Variants in WDPCP observed in about 807,000 individuals in gnomAD.
WDPCP encodes WD repeat-containing and planar cell polarity effector protein fritz homolog.
In WDPCP, 71 loss-of-function variants were observed where a neutral mutation model predicts 93.1. The observed-to-expected ratio is 0.76, with a 90% CI of 0.63 to 0.93. The LOEUF (loss-of-function observed/expected upper bound fraction) is 0.93, where lower values mean the gene tolerates loss of function less well. Among genes scored for constraint, WDPCP ranks in the 40% least tolerant of loss-of-function variants. The probability of loss-of-function intolerance (pLI) is 0.00; values close to 1 mark genes in which losing one functional copy is unlikely to be tolerated. For synonymous variants in WDPCP, 315 were observed against 315.0 expected (o/e 1.00, Z 0.00); for missense variants, 844 against 887.4 (o/e 0.95, Z 0.62).
intron 3 of WDPCP, among the ~76,000 whole-genome samples, chr2:63,650,170 A>G (rs1424266729): frequency 6.6e-6 from 1 of 152,198 alleles, no homozygotes; most frequent in Non-Finnish European, 1.5e-5. Context: ...GTTTCCCAAG[A>G]TTTGTTCAGT....
chr2:63,546,928 C>T (rs1179533124), intron 1 of WDPCP, among the ~76,000 whole-genome samples: 4 of 150,814 alleles, frequency 2.7e-5, no homozygotes, highest in African/African-American at 9.8e-5. Context: ...AAAAAAAAGA[C>T]AAAAGATTTC....
chr2:63,571,692 G>A (rs1707517537), intron 1 of WDPCP: 4 of 459,070 alleles, frequency 8.7e-6, no homozygotes. Flanking sequence ...ATTTTAAGAT[G>A]CCAGAAAAGT....
intron 17 of WDPCP, among the ~76,000 whole-genome samples, chr2:63,127,411 C>T (rs1182283189): frequency 6.6e-6 from 1 of 151,822 alleles, no homozygotes; most frequent in Non-Finnish European, 1.5e-5. Context: ...GCGTGAGCCA[C>T]CGCACCCGGC....
At chr2:63,225,713 A>ATTATG (rs1678237416) in intron 14 of WDPCP, among the ~76,000 whole-genome samples, 1 of 151,864 alleles carries the variant, frequency 6.6e-6, no homozygotes, top group Admixed American at 6.6e-5. Context: ...TAGTAATAAA[A>ATTATG]TTATGTTTTC....
intron 3 of WDPCP, among the ~76,000 whole-genome samples, chr2:63,612,209 G>T (rs1320755004): frequency 2.0e-5 from 3 of 152,080 alleles, no homozygotes; most frequent in Non-Finnish European, 4.4e-5. Context: ...ACTCTTTTTA[G>T]GTGTCCTTAA....
chr2:63,667,950 C>T (rs1710302593), intron 2 of WDPCP, among the ~76,000 whole-genome samples: 1 of 152,204 alleles, frequency 6.6e-6, no homozygotes, highest in South Asian at 2.1e-4. Flanking sequence ...CCACTTTTCT[C>T]TATCTGATTA....
intron 2 of WDPCP, among the ~76,000 whole-genome samples, chr2:63,802,281 TAAAAAAAAAAAAAAAAA>T (rs58717654): frequency 4.2e-3 from 227 of 54,394 alleles, no homozygotes; most frequent in East Asian, 0.03. Flanking sequence ...CCCTCTCTCT[TAAAAAAAAAAAAAAAAA>T]AAAAAAAAAA....
At chr2:63,352,381 A>T (rs548014678) in intron 12 of WDPCP, among the ~76,000 whole-genome samples, 1 of 152,350 alleles carries the variant, frequency 6.6e-6, no homozygotes, top group East Asian at 1.9e-4. Flanking sequence ...AAAAGGCAAG[A>T]ATGATATAAT....
At chr2:63,835,389 CAAAAA>C in the WDPCP span, among the ~76,000 whole-genome samples, 4 of 42,352 alleles carry the variant, frequency 9.4e-5, no homozygotes, top group African/African-American at 1.8e-4. Flanking sequence ...GACTCCATCT[CAAAAA>C]AAAAAAAAAA....
chr2:63,496,999 C>A (rs1701260953), intron 1 of WDPCP, among the ~76,000 whole-genome samples: 1 of 149,786 alleles, frequency 6.7e-6, no homozygotes, highest in Non-Finnish European at 1.5e-5. Flanking sequence ...GTAATCCCAG[C>A]TACTTGGGAA....
chr2:63,328,197 C>T (rs993876399), intron 12 of WDPCP, among the ~76,000 whole-genome samples: 3 of 33,176 alleles, frequency 9.0e-5, no homozygotes, highest in South Asian at 1.1e-3. Flanking sequence ...TCCGTCAAAA[C>T]GGACCCGTCA....
chr2:63,805,855 C>T (rs1427564192), intron 2 of WDPCP, among the ~76,000 whole-genome samples: 2 of 152,182 alleles, frequency 1.3e-5, no homozygotes, highest in African/African-American at 2.4e-5. Flanking sequence ...TGCAGTGGCT[C>T]ATACCTGTAA....
intron 3 of WDPCP, among the ~76,000 whole-genome samples, chr2:63,612,727 C>T (rs1329220074): frequency 6.6e-6 from 1 of 152,120 alleles, no homozygotes; most frequent in South Asian, 2.1e-4. Context: ...TTCTAACCAT[C>T]GTTTTCAGTT....
At position 63,365,730 on chromosome 2, in the gene WDPCP, G is replaced by A. The variant is rs531757936; in HGVS notation, c.1748+12656C>T. On this transcript the variant is annotated intron_variant, in intron 12 of 17. Transcript: ENST00000272321. ...TGCCACAATGGCTCAATGTGGAGCA[G>A]CATCCTCAACTGACATCACATGGTC... 1.1e-4 allele frequency among the ~76,000 whole-genome samples: 16 copies of A among 152,248 alleles called. No homozygotes were observed. In the South Asian group the frequency reaches 3.3e-3, roughly 32 times the overall value.
chr2:63,731,841 G>T (rs891069946), intron 2 of WDPCP, among the ~76,000 whole-genome samples: 1 of 152,134 alleles, frequency 6.6e-6, no homozygotes, highest in Non-Finnish European at 1.5e-5. Context: ...CAAGGGACTG[G>T]ATAGAGAAAG....
chr2:63,376,774 G>A (rs1482611141), intron 12 of WDPCP, among the ~76,000 whole-genome samples: 4 of 151,912 alleles, frequency 2.6e-5, no homozygotes, highest in African/African-American at 9.7e-5. Context: ...ATATGCTAAT[G>A]TCATTCAGAT....
At chr2:63,578,454 C>T (rs188188768) in intron 1 of WDPCP, among the ~76,000 whole-genome samples, 4 of 152,290 alleles carry the variant, frequency 2.6e-5, no homozygotes, top group Non-Finnish European at 4.4e-5. Flanking sequence ...TTTCCACCAA[C>T]CCTACCACAA....
intron 12 of WDPCP, among the ~76,000 whole-genome samples, chr2:63,349,644 C>T (rs1689441302): frequency 1.3e-5 from 2 of 152,056 alleles, no homozygotes; most frequent in Non-Finnish European, 2.9e-5. Context: ...TCCTTTTTAG[C>T]CCCCATATAA....
chr2:63,388,652 A>C (rs1692948149), intron 10 of WDPCP, among the ~76,000 whole-genome samples: 1 of 152,224 alleles, frequency 6.6e-6, no homozygotes, highest in African/African-American at 2.4e-5. Flanking sequence ...AAAACCTTGA[A>C]AAAAGTTAGA....
Sources: allele counts gnomAD v4.1 joint callset (sites outside exome capture counted in the v4.1 genomes callset), GRCh38; gene constraint gnomAD v4.1.1; transcripts MANE v1.5; gene names NCBI Gene and HGNC (gene_info 2026-07-23, HGNC 2026-07-21).